The following PTCHD1 variants were observed in gnomAD, a reference collection of about 807,000 sequenced individuals.
The protein encoded by PTCHD1 is patched domain-containing protein 1.
In PTCHD1, 3 loss-of-function variants were observed where a neutral mutation model predicts 34.6. The ratio of observed to expected loss-of-function variants is 0.09; its 90% CI spans 0.04 to 0.22. The LOEUF is 0.22. Among genes scored for constraint, PTCHD1 ranks in the 10% least tolerant of loss-of-function variants. The pLI, the probability that PTCHD1 is intolerant of heterozygous loss-of-function variation, is 1.00. For missense variants in PTCHD1, 504 were observed against 685.5 expected, an observed-to-expected ratio of 0.74 and a Z score of 2.96; for synonymous variants, 305 against 283.1, an observed-to-expected ratio of 1.08 and a Z score of -0.77.
At chrX:23,334,568 G>T (rs1237363165), upstream of PTCHD1, 1 of 108,044 alleles carries the variant, frequency 9.3e-6, no homozygotes, top group Non-Finnish European at 1.9e-5. Context: ...GGCCGCGGGG[G>T]GTGGGGAGGG....
chrX:23,362,533 T>G (rs969576490), intron 1 of PTCHD1, among the ~76,000 whole-genome samples: 3 of 112,120 alleles, frequency 2.7e-5, no homozygotes, highest in Admixed American at 9.4e-5. Context: ...CATCTAATCT[T>G]TTTTCAATGT....
chrX:23,354,612 T>G (rs1180081348), intron 1 of PTCHD1, among the ~76,000 whole-genome samples: 3 of 101,412 alleles, frequency 3.0e-5, no homozygotes, highest in African/African-American at 7.3e-5. Flanking sequence ...TCGCTCTGTC[T>G]CCCAGGCTGG....
At chrX:23,377,587 T>G (rs927835180) in intron 1 of PTCHD1, among the ~76,000 whole-genome samples, 2 of 107,584 alleles carry the variant, frequency 1.9e-5, no homozygotes, top group South Asian at 8.5e-4. Flanking sequence ...TGTGTGTGTG[T>G]GTGTGTGTGT....
At chrX:23,344,851 G>T (rs1473673621) in intron 1 of PTCHD1, among the ~76,000 whole-genome samples, 3 of 111,725 alleles carry the variant, frequency 2.7e-5, no homozygotes, top group African/African-American at 9.8e-5. Flanking sequence ...ACATCTCACA[G>T]CACAGCATGC....
chrX:23,393,611 C>G lies in PTCHD1; in HGVS notation c.2093C>G (p.Ala698Gly), dbSNP rs1404949801. The change falls in exon 3 of 3, where the codon GCC becomes GGC. Residue 698 changes from alanine to glycine, a missense_variant. By Grantham distance (60) the Ala-to-Gly change is moderately conservative. Transcript: ENST00000379361. ...YMDRYASSLG[A>G]PLHNSCISAL... is the part of the protein sequence containing the mutation. ...GATCGATATGCCTCCTCTCTGGGAG[C>G]CCCCCTGCACAACTCCTGCATCAGT... The G allele has an allele frequency of 3.3e-6, 4 of 1,210,956 alleles. No individual in the cohort carries two copies. Among genetic ancestry groups the G allele is most frequent in the South Asian group, 3.5e-5 (2 of 56,912 alleles).
At chrX:23,359,710 C>G (rs929615101) in intron 1 of PTCHD1, among the ~76,000 whole-genome samples, 1 of 112,021 alleles carries the variant, frequency 8.9e-6, no homozygotes, top group Non-Finnish European at 1.9e-5. Flanking sequence ...TGAGAGAGGG[C>G]ATCCCTGTCT....
In PTCHD1 at chrX:23,379,788, G is replaced by C. The variant is rs780434229; in HGVS notation, c.549G>C (p.Gly183=). ...ITYPITHLKD[G]RAVYNGHQLG... ...ACCCAATCACTCACTTAAAGGACGG[G>C]AGGGCTGTGTACAATGGGCACCAGC... Residue 183 remains glycine (G), a synonymous_variant, in exon 2 of 3, where the codon GGG becomes GGC. Transcript: ENST00000379361. 1.7e-6 allele frequency: 2 copies of C among 1,211,505 alleles called. No homozygotes were observed. Among genetic ancestry groups the C allele is most frequent in the Non-Finnish European group, 2.2e-6 (2 of 895,502 alleles).
chrX:23,379,557 G>C, intron 1 of PTCHD1, 34 bp from the exon 2 acceptor site: 1 of 1,196,523 alleles, frequency 8.4e-7, no homozygotes. Context: ...AGAAATATTT[G>C]ATTAATAAAT....
rs983132076 is a variant in PTCHD1 at position 23,380,241 on chromosome X, C to T, written c.1002C>T (p.Phe334=). 7.5e-6 allele frequency: 9 copies of T among 1,206,386 alleles called. No individual in the cohort carries two copies. Among genetic ancestry groups the T allele is most frequent in the South Asian group, 3.5e-5 (2 of 56,731 alleles). Reference sequence around the variant, plus strand: ...ATTCCACCTTCCTGGGAGTCCCTTTCGTCATGCTAGGTAATTACTACTCTT... The same window carrying T: ...ATTCCACCTTCCTGGGAGTCCCTTTTGTCATGCTAGGTAATTACTACTCTT... ...KYNSTFLGVP[F]VMLGHGLYGT... The change falls in exon 2 of 3, where the codon TTC becomes TTT. Residue 334 remains phenylalanine (F), a synonymous_variant. Transcript: ENST00000379361.
At chrX:23,350,081 A>G (rs1473646388) in intron 1 of PTCHD1, among the ~76,000 whole-genome samples, 2 of 106,329 alleles carry the variant, frequency 1.9e-5, no homozygotes, top group Non-Finnish European at 3.9e-5. Context: ...AAAAAAAAAA[A>G]AAAAAAAAGA....
intron 1 of PTCHD1, among the ~76,000 whole-genome samples, chrX:23,348,260 G>T (rs1364342058): frequency 2.3e-5 from 2 of 87,587 alleles, no homozygotes; most frequent in African/African-American, 9.8e-5. Flanking sequence ...AACACAAAGA[G>T]TTAAAAGAGA....
intron 2 of PTCHD1, among the ~76,000 whole-genome samples, chrX:23,383,629 A>G (rs1364996286): frequency 2.7e-5 from 3 of 111,707 alleles, no homozygotes; most frequent in African/African-American, 9.8e-5. Context: ...GTAAGCATAG[A>G]TACATCATGA....
rs1824531674 is a variant in PTCHD1, at chrX:23,396,023, A to G, written c.*1838A>G. 8.9e-6 allele frequency: 1 copy of G among 112,354 alleles called. No individual in the cohort carries two copies. The highest frequency in any genetic ancestry group is 3.7e-4 in the South Asian group (1 of 2,723). 9.3% of individuals were successfully genotyped at this position (112,354 alleles called of 1,213,427 possible). A position where few individuals can be genotyped will look rare whatever the true frequency, so the allele number is the denominator to read the frequency against. Reference sequence around the variant, plus strand: ...CTCAAAATGCATTTCCAAAGTAGGAACATAGGACTTCGTTGGCCACAGGGC... The same window carrying G: ...CTCAAAATGCATTTCCAAAGTAGGAGCATAGGACTTCGTTGGCCACAGGGC... On this transcript the variant is annotated 3_prime_UTR_variant, in exon 3 of 3. Coordinates refer to ENST00000379361, the MANE Select transcript of PTCHD1 (RefSeq NM_173495.3).
At chrX:23,377,804 T>C (rs12847232) in intron 1 of PTCHD1, among the ~76,000 whole-genome samples, 15,008 of 110,993 alleles carry the variant, frequency 0.14, 1,026 homozygotes, top group Non-Finnish European at 0.21. Flanking sequence ...TCAGACATTG[T>C]TTTAAAAGCA....
At chrX:23,352,553 A>G (rs757053850) in intron 1 of PTCHD1, among the ~76,000 whole-genome samples, 2 of 111,908 alleles carry the variant, frequency 1.8e-5, no homozygotes, top group South Asian at 7.8e-4. Context: ...TGGCATTTGA[A>G]TAGCTCATCA....
rs1218156441 is a variant in PTCHD1, at chrX:23,393,712, G to A, written c.2194G>A (p.Val732Met). The A allele has an allele frequency of 1.7e-6, 2 of 1,211,413 alleles. No individual in the cohort carries two copies. The highest frequency in any genetic ancestry group is 3.0e-5 in the East Asian group (1 of 33,841). Residue 732 changes from valine (V) to methionine (M), a missense_variant, in exon 3 of 3, where the codon GTG becomes ATG. Transcript: ENST00000379361. ...TAACGTCTGGATCACTCTCACAGTT[G>A]TGTCCGTGGAGTTTGGAGTGATAGG... ...LINVWITLTVVSVEFGVIGFM... is the reference protein window; with the variant it reads ...LINVWITLTVMSVEFGVIGFM...
intron 1 of PTCHD1, among the ~76,000 whole-genome samples, chrX:23,354,956 G>A (rs1307733067): frequency 9.6e-6 from 1 of 104,583 alleles, no homozygotes; most frequent in Non-Finnish European, 1.9e-5. Context: ...AGTCCACCCA[G>A]ACATTGTTCC....
intron 1 of PTCHD1, among the ~76,000 whole-genome samples, chrX:23,355,140 C>T (rs763697580): frequency 1.8e-5 from 2 of 111,124 alleles, no homozygotes; most frequent in South Asian, 8.0e-4. Context: ...AGCAAAGCTT[C>T]CTCAGCACTC....
In PTCHD1 at chrX:23,335,088, C is replaced by T; in HGVS notation, c.213C>T (p.Asn71=). 2.5e-6 allele frequency: 3 copies of T among 1,211,399 alleles called. No homozygotes were observed. The highest frequency in any genetic ancestry group is 3.4e-6 in the Non-Finnish European group (3 of 895,130). ...CCAAGATCGAGCGCAACCTCGTTAA[C>T]AGCCTCTTCCCGGTCAACCGCTCCA... ...SLAKIERNLV[N]SLFPVNRSKH... The change falls in exon 1 of 3, where the codon AAC becomes AAT. Residue 71 remains asparagine (N), a synonymous_variant. Transcript: ENST00000379361.
Sources: gnomAD v4.1 joint callset for allele counts (sites outside exome capture counted in the v4.1 genomes callset) on GRCh38, gnomAD v4.1.1 for gene constraint, MANE v1.5 for transcripts, NCBI Gene and HGNC (gene_info 2026-07-23, HGNC 2026-07-21) for gene names.